The following SLC38A9 variants were observed in gnomAD, a reference collection of about 807,000 sequenced individuals.
The protein encoded by SLC38A9 is solute carrier family 38 member 9.
Under a neutral mutation model 62.3 loss-of-function variants are expected in SLC38A9, and 48 were observed. The ratio of observed to expected loss-of-function variants is 0.77; its 90% CI spans 0.61 to 0.98. SLC38A9 has a LOEUF of 0.98. SLC38A9 is among the 50% of genes least tolerant of loss of function. The pLI is 0.00. For missense variants in SLC38A9, 541 were observed against 679.8 expected, an observed-to-expected ratio of 0.80 and a Z score of 2.27; for synonymous variants, 204 against 227.7, an observed-to-expected ratio of 0.90 and a Z score of 0.94.
intron 7 of SLC38A9, among the ~76,000 whole-genome samples, chr5:55,668,065 G>C (rs1213944667): frequency 3.3e-5 from 5 of 152,166 alleles, no homozygotes; most frequent in Non-Finnish European, 7.3e-5. Context: ...CCAGCTACCT[G>C]GGAGGCTGAG....
chr5:55,707,319 G>T (rs1033553866), intron 2 of SLC38A9, among the ~76,000 whole-genome samples: 1 of 152,140 alleles, frequency 6.6e-6, no homozygotes, highest in Non-Finnish European at 1.5e-5. Context: ...GTTTATCAAT[G>T]ATTAACAAAA....
At chr5:55,709,320 C>T (rs567703335) in intron 2 of SLC38A9, among the ~76,000 whole-genome samples, 31 of 151,618 alleles carry the variant, frequency 2.0e-4, no homozygotes, top group African/African-American at 5.3e-4. Context: ...CCCTAGCAAA[C>T]GACAGAAATT....
chr5:55,693,082 A>T (rs1172328346), intron 3 of SLC38A9: 5 of 825,844 alleles, frequency 6.1e-6, no homozygotes, highest in Non-Finnish European at 5.8e-6. Flanking sequence ...ACTCAAAAAA[A>T]TAAGGATTCT....
At chr5:55,682,574 A>G (rs903892446) in intron 3 of SLC38A9, among the ~76,000 whole-genome samples, 1 of 152,210 alleles carries the variant, frequency 6.6e-6, no homozygotes, top group Admixed American at 6.5e-5. Flanking sequence ...CGGGAGTTCA[A>G]GAACAGCTTG....
intron 3 of SLC38A9, among the ~76,000 whole-genome samples, chr5:55,687,631 TCTC>T (rs1754106486): frequency 2.0e-5 from 3 of 152,226 alleles, no homozygotes; most frequent in African/African-American, 4.8e-5. Context: ...AGTTTGTAGT[TCTC>T]CTTGTAGAGA....
chr5:55,656,986 G>A (rs908281564), intron 8 of SLC38A9, among the ~76,000 whole-genome samples: 11 of 151,646 alleles, frequency 7.3e-5, no homozygotes, highest in Admixed American at 1.3e-4. Context: ...TCAGCCTCCC[G>A]AGTAGCTGGG....
At chr5:55,709,800 C>T (rs997363502) in intron 2 of SLC38A9, among the ~76,000 whole-genome samples, 1 of 151,942 alleles carries the variant, frequency 6.6e-6, no homozygotes, top group African/African-American at 2.4e-5. Context: ...GCGTGTGTGG[C>T]ACACGCCTGT....
chr5:55,703,343 T>C (rs1756899429), intron 2 of SLC38A9, among the ~76,000 whole-genome samples: 1 of 152,200 alleles, frequency 6.6e-6, no homozygotes. Context: ...CTATACCAAT[T>C]GCTAGCTCTA....
intron 3 of SLC38A9, among the ~76,000 whole-genome samples, chr5:55,686,071 C>G (rs6873771): frequency 0.6 from 91,197 of 151,994 alleles, 27,931 homozygotes; most frequent in South Asian, 0.7. Flanking sequence ...ATTGTAAATA[C>G]TGTTGCAGTG....
intron 12 of SLC38A9, among the ~76,000 whole-genome samples, chr5:55,639,983 C>CTTT (rs36073153): frequency 1.1e-3 from 110 of 98,456 alleles, no homozygotes; most frequent in Non-Finnish European, 1.5e-3. Context: ...TAAACCTTTG[C>CTTT]TTTTTTTTTT....
intron 3 of SLC38A9, among the ~76,000 whole-genome samples, chr5:55,675,816 T>A (rs969335007): frequency 6.6e-6 from 1 of 152,146 alleles, no homozygotes; most frequent in African/African-American, 2.4e-5. Flanking sequence ...ACCTAACACC[T>A]TTTCTAGGTT....
At chr5:55,654,279 G>A (rs1748027147) in intron 9 of SLC38A9, among the ~76,000 whole-genome samples, 1 of 151,388 alleles carries the variant, frequency 6.6e-6, no homozygotes, top group East Asian at 1.9e-4. Context: ...TTTCTTCTAC[G>A]CTCTAGACAG....
chr5:55,656,608 A>T (rs1748474459), intron 9 of SLC38A9, 107 bp downstream of exon 9: 2 of 757,354 alleles, frequency 2.6e-6, no homozygotes, highest in African/African-American at 1.8e-5. Context: ...TAAACATAAT[A>T]ATTTTCTACT....
At position 55,633,764 on chromosome 5, in the gene SLC38A9, T is replaced by C. The variant is rs774465789; in HGVS notation, c.1420A>G (p.Ile474Val). ...GAGAAGAGCCCTTACCTAGGATAAA[T>C]GTCACCGAAGATATGGCCCAAAAGC... ...VQLLGHIFGDIYPSIFHVLIL... is the reference protein window; with the variant it reads ...VQLLGHIFGDVYPSIFHVLIL... The change falls in exon 14 of 16, where the codon ATT (isoleucine) becomes GTT (valine). Residue 474 changes from isoleucine to valine, a missense_variant. By Grantham distance (29) the Ile-to-Val change is conservative. Coordinates refer to ENST00000396865, the MANE Select transcript of SLC38A9 (RefSeq NM_173514.4). The C allele has an allele frequency of 3.4e-5, 55 of 1,614,132 alleles. No homozygotes were observed. In the Middle Eastern group the frequency reaches 6.6e-4, roughly 19 times the overall value.
intron 3 of SLC38A9, among the ~76,000 whole-genome samples, chr5:55,695,273 CT>C (rs67408828): frequency 2.9e-4 from 41 of 140,016 alleles, no homozygotes; most frequent in Admixed American, 2.9e-4. Flanking sequence ...AAGACCATTT[CT>C]TTTTTTTTTT....
At chr5:55,679,601 G>T (rs1289532113) in intron 3 of SLC38A9, among the ~76,000 whole-genome samples, 60 of 149,654 alleles carry the variant, frequency 4.0e-4, no homozygotes, top group Middle Eastern at 3.4e-3. Context: ...TTAGTTTTTT[G>T]TTTTTTTTTT....
chr5:55,644,557 G>A (rs1467941801), intron 12 of SLC38A9, among the ~76,000 whole-genome samples: 1 of 151,940 alleles, frequency 6.6e-6, no homozygotes, highest in African/African-American at 2.4e-5. Context: ...GAGTTGCTGG[G>A]ATTACAGGCG....
intron 3 of SLC38A9, chr5:55,691,362 G>C: frequency 7.1e-7 from 1 of 1,412,532 alleles, no homozygotes; most frequent in Non-Finnish European, 9.2e-7. Flanking sequence ...ACAAAGAATT[G>C]CCTAAGGGGT....
At chr5:55,654,908 G>C (rs544547057) in intron 9 of SLC38A9, among the ~76,000 whole-genome samples, 1 of 152,134 alleles carries the variant, frequency 6.6e-6, no homozygotes, top group South Asian at 2.1e-4. Flanking sequence ...CGTAACTATG[G>C]CTCACTGTAG....
Sources: gnomAD v4.1 joint callset for allele counts (sites outside exome capture counted in the v4.1 genomes callset) on GRCh38, gnomAD v4.1.1 for gene constraint, MANE v1.5 for transcripts, NCBI Gene and HGNC (gene_info 2026-07-23, HGNC 2026-07-21) for gene names.